Variants in TMEM161B observed in about 807,000 individuals in gnomAD.
TMEM161B encodes transmembrane protein 161B.
Under a neutral mutation model 61.8 loss-of-function variants are expected in TMEM161B, and 34 were observed. The ratio of observed to expected loss-of-function variants is 0.55; its 90% CI spans 0.42 to 0.73. The LOEUF is 0.73. TMEM161B is among the 30% of genes least tolerant of loss of function. The pLI is 0.00. For synonymous variants in TMEM161B, 167 were observed against 192.8 expected (o/e 0.87, Z 1.11); for missense variants, 456 against 558.5 (o/e 0.82, Z 1.85).
At chr5:88,254,651 A>G (rs1402645650) in intron 1 of TMEM161B, among the ~76,000 whole-genome samples, 2 of 152,124 alleles carry the variant, frequency 1.3e-5, no homozygotes, top group Non-Finnish European at 2.9e-5. Context: ...AGCCTGGGCA[A>G]CATAGCGAGA....
intron 1 of TMEM161B, among the ~76,000 whole-genome samples, chr5:88,264,501 C>T (rs985822493): frequency 6.6e-6 from 1 of 152,170 alleles, no homozygotes; most frequent in Non-Finnish European, 1.5e-5. Flanking sequence ...TAAATTAGTT[C>T]AACCATTGTG....
At chr5:88,262,001 G>T (rs1484793578) in intron 1 of TMEM161B, among the ~76,000 whole-genome samples, 1 of 152,062 alleles carries the variant, frequency 6.6e-6, no homozygotes, top group South Asian at 2.1e-4. Flanking sequence ...AACCAGACCA[G>T]GGGAAAATAT....
At chr5:88,265,959 T>A (rs1302207180) in intron 1 of TMEM161B, among the ~76,000 whole-genome samples, 2 of 152,190 alleles carry the variant, frequency 1.3e-5, no homozygotes, top group Non-Finnish European at 2.9e-5. Context: ...GGTAGAAAGA[T>A]TTATATTTGA....
intron 4 of TMEM161B, among the ~76,000 whole-genome samples, chr5:88,222,544 A>T (rs1344718796): frequency 6.6e-6 from 1 of 152,112 alleles, no homozygotes; most frequent in Non-Finnish European, 1.5e-5. Context: ...GAAAGGATAG[A>T]CCAAAATCCA....
intron 1 of TMEM161B, among the ~76,000 whole-genome samples, chr5:88,252,010 C>T (rs549481180): frequency 6.6e-6 from 1 of 152,116 alleles, no homozygotes; most frequent in East Asian, 1.9e-4. Context: ...GCTTAAAACC[C>T]AAGATTAACA....
Position 88,206,479 on chromosome 5 carries a change from T to G in TMEM161B, c.619A>C (p.Ser207Arg). Residue 207 changes from serine to arginine, a missense_variant, in exon 7 of 12, where the codon AGT becomes CGT. Ser to Arg is a moderately radical substitution (Grantham distance 110, BLOSUM62 -1). Transcript: ENST00000296595. ...LETGFTNFSD[S>R]AMQFLEKQGL... Reference sequence around the variant, plus strand: ...TGCTTTTCAAGAAACTGCATCGCACTGTCTGAAAAATTTGTAAACCCTGTG... The same window carrying G: ...TGCTTTTCAAGAAACTGCATCGCACGGTCTGAAAAATTTGTAAACCCTGTG... 3.8e-6 allele frequency: 6 copies of G among 1,595,594 alleles called. No homozygotes were observed. Among genetic ancestry groups the G allele is most frequent in the Non-Finnish European group, 5.1e-6 (6 of 1,171,588 alleles).
intron 5 of TMEM161B, among the ~76,000 whole-genome samples, chr5:88,216,860 A>T (rs1747948961): frequency 6.6e-6 from 1 of 152,164 alleles, no homozygotes; most frequent in Non-Finnish European, 1.5e-5. Context: ...AACAATTAGT[A>T]AGTAAGTAAA....
chr5:88,199,007 C>A lies in TMEM161B; in HGVS notation c.1058G>T (p.Gly353Val), dbSNP rs1750195990. Residue 353 changes from glycine to valine, a missense_variant, in exon 10 of 12, where the codon GGG (glycine) becomes GTG (valine). Gly to Val is a moderately radical substitution (Grantham distance 109). This residue lies in a region of TMEM161B where 367 missense variants were observed against 427.3 expected (regional missense o/e 0.86). Coordinates refer to ENST00000296595, the MANE Select transcript of TMEM161B (RefSeq NM_153354.5). ...KCVDQMKKEA[G>V]RISTVELQKM... ...CTGTAGCTCAACCGTGCTTATTCGCCCCGCTTCTTTCTTCATCTGATCCAC... is the reference window on the plus strand; with the variant it reads ...CTGTAGCTCAACCGTGCTTATTCGCACCGCTTCTTTCTTCATCTGATCCAC... 1 of 1,612,684 alleles carries A rather than the reference C, an allele frequency of 6.2e-7. No individual in the cohort carries two copies. Among genetic ancestry groups the A allele is most frequent in the Non-Finnish European group, 8.5e-7 (1 of 1,179,326 alleles).
intron 1 of TMEM161B, among the ~76,000 whole-genome samples, chr5:88,255,546 T>C (rs2112746976): frequency 6.6e-6 from 1 of 152,322 alleles, no homozygotes; most frequent in African/African-American, 2.4e-5. Flanking sequence ...ACCTACAAAA[T>C]GGCAATTTCA....
intron 1 of TMEM161B, among the ~76,000 whole-genome samples, chr5:88,267,789 A>T (rs1050456551): frequency 6.6e-6 from 1 of 152,112 alleles, no homozygotes. Context: ...AGACCCTTCT[A>T]ATTCCCATCC....
chr5:88,253,353 T>C (rs1436326367), intron 1 of TMEM161B, among the ~76,000 whole-genome samples: 2 of 152,102 alleles, frequency 1.3e-5, no homozygotes, highest in East Asian at 3.9e-4. Context: ...CAATCTCCAG[T>C]GTTATGGGAA....
At chr5:88,217,497 A>G (rs1748077869) in intron 5 of TMEM161B, among the ~76,000 whole-genome samples, 1 of 150,104 alleles carries the variant, frequency 6.7e-6, no homozygotes, top group Admixed American at 6.6e-5. Flanking sequence ...GGAATTGGTT[A>G]GATGACAAAT....
At chr5:88,197,896 A>C (rs1749964655) in intron 10 of TMEM161B, 131 bp from the exon 11 acceptor site, 1 of 709,020 alleles carries the variant, frequency 1.4e-6, no homozygotes, top group Non-Finnish European at 2.2e-6. Context: ...AATGTCAGTA[A>C]GTTGTGCTGC....
intron 5 of TMEM161B, among the ~76,000 whole-genome samples, chr5:88,217,463 C>A (rs1748071227): frequency 6.6e-6 from 1 of 151,512 alleles, no homozygotes; most frequent in Admixed American, 6.6e-5. Context: ...TGACTTTTTA[C>A]TGCAAAACTC....
chr5:88,249,164 C>T (rs1754007469), intron 1 of TMEM161B, among the ~76,000 whole-genome samples: 1 of 152,068 alleles, frequency 6.6e-6, no homozygotes, highest in Admixed American at 6.6e-5. Flanking sequence ...ATGCCCTCCA[C>T]AGAAAGAAAG....
At chr5:88,211,620 T>TGGCGGCGGGCGC (rs571141929) in intron 5 of TMEM161B, among the ~76,000 whole-genome samples, 2 of 151,414 alleles carry the variant, frequency 1.3e-5, no homozygotes, top group East Asian at 1.9e-4. Flanking sequence ...TAGCCGGGCG[T>TGGCGGCGGGCGC]GGCGGCGGGC....
intron 1 of TMEM161B, among the ~76,000 whole-genome samples, chr5:88,265,333 G>A (rs1756243208): frequency 6.6e-6 from 1 of 152,156 alleles, no homozygotes; most frequent in African/African-American, 2.4e-5. Flanking sequence ...CACACATTGT[G>A]GAGGCAGTGT....
chr5:88,186,739 G>C (rs537754442), downstream of TMEM161B, among the ~76,000 whole-genome samples: 18 of 151,962 alleles, frequency 1.2e-4, no homozygotes, highest in East Asian at 3.5e-3. Flanking sequence ...AGACCAGCCT[G>C]GCCAAAATGG....
chr5:88,190,060 G>A (rs78185568), downstream of TMEM161B: 163 of 700,200 alleles, frequency 2.3e-4, no homozygotes, highest in African/African-American at 2.5e-3. Flanking sequence ...TCTCAAAGAA[G>A]CACATGGGTT....
Sources: gnomAD v4.1 joint callset for allele counts (sites outside exome capture counted in the v4.1 genomes callset) on GRCh38, gnomAD v4.1.1 for gene constraint, gnomAD v4.1.1 regional missense constraint, MANE v1.5 for transcripts, NCBI Gene and HGNC (gene_info 2026-07-23, HGNC 2026-07-21) for gene names.